ZBTB7B: variants seen among roughly 807,000 people sequenced by gnomAD.
ZBTB7B encodes zinc finger and BTB domain containing 7B.
ZBTB7B carries 8 observed loss-of-function variants against 31.0 expected under a neutral mutation model. The ratio of observed to expected loss-of-function variants is 0.26; its 90% CI spans 0.15 to 0.47. ZBTB7B has a LOEUF of 0.47. Among genes scored for constraint, ZBTB7B ranks in the 20% least tolerant of loss-of-function variants. The pLI is 0.99. For synonymous variants in ZBTB7B, 261 were observed against 307.3 expected (o/e 0.85, Z 1.58); for missense variants, 494 against 742.4 (o/e 0.67, Z 3.89).
At chr1:155,009,595 G>A (rs1030403534) in intron 1 of ZBTB7B, among the ~76,000 whole-genome samples, 16 of 152,042 alleles carry the variant, frequency 1.1e-4, no homozygotes, top group African/African-American at 3.9e-4. Flanking sequence ...GGCACAGGTT[G>A]TCCCCCCACC....
chr1:155,018,316 G>C lies in ZBTB7B; in HGVS notation c.*1631G>C, dbSNP rs1659617438. The C allele has an allele frequency of 5.2e-6, 3 of 573,298 alleles. No homozygotes were observed. Among genetic ancestry groups the C allele is most frequent in the South Asian group, 2.1e-5 (1 of 47,986 alleles). The allele number at this position is 573,298 out of a possible 1,614,324, so 35.5% of individuals were successfully genotyped here. On this transcript the variant is annotated 3_prime_UTR_variant, in exon 3 of 3. Transcript: ENST00000535420. ...TCCTGGGCCTCATCTTAGCATTTCAGGTGATGGGGGGAGCCCAGGGCTGGG... is the reference window on the plus strand; with the variant it reads ...TCCTGGGCCTCATCTTAGCATTTCACGTGATGGGGGGAGCCCAGGGCTGGG...
In ZBTB7B at chr1:155,015,707, T is replaced by C. The variant is rs1432374956; in HGVS notation, c.1047T>C (p.Pro349=). The change falls in exon 2 of 3, where the codon CCT becomes CCC. Residue 349 remains proline (P), a synonymous_variant. Coordinates refer to ENST00000535420, the MANE Select transcript of ZBTB7B (RefSeq NM_001256455.2). ...KRRSQMPQEC[P]VCHKIIHGAG... ...GCTCCCAGATGCCTCAGGAGTGCCC[T>C]GTCTGCCACAAGATCATCCATGGGG... 3.7e-6 allele frequency: 6 copies of C among 1,612,612 alleles called. No individual in the cohort carries two copies. Among genetic ancestry groups the C allele is most frequent in the Non-Finnish European group, 1.7e-6 (2 of 1,180,012 alleles).
intron 1 of ZBTB7B, among the ~76,000 whole-genome samples, chr1:155,011,333 C>T (rs748775427): frequency 1.4e-4 from 21 of 152,242 alleles, no homozygotes; most frequent in Non-Finnish European, 2.4e-4. Flanking sequence ...GGCCAGTGGC[C>T]TCCACCTTTT....
At chr1:155,013,936 T>C (rs888473295) in intron 1 of ZBTB7B, 4 of 720,764 alleles carry the variant, frequency 5.5e-6, no homozygotes, top group African/African-American at 3.8e-5. Flanking sequence ...GATGAACTTT[T>C]GGTAGCCAGG....
Position 155,016,155 on chromosome 1 carries a change from T to C in ZBTB7B, c.1155-65T>C. The C allele has an allele frequency of 6.5e-7, 1 of 1,535,268 alleles. No homozygotes were observed. The highest frequency in any genetic ancestry group is 1.2e-5 in the South Asian group (1 of 83,182). On this transcript the variant is annotated intron_variant, in intron 2 of 2. Transcript: ENST00000535420. The surrounding 1 kb of genome is among the most constrained non-coding windows in gnomAD (Gnocchi z 4.3). The stretch of plus-strand genomic sequence containing the variant: ...GGGATGGGACAAGGCCAGGGTGGGA[T>C]GACCAGGAGGAGCCAGGGATCCCAT...
Position 155,016,668 on chromosome 1 carries a change from G to T in ZBTB7B, c.1603G>T (p.Ala535Ser). ...ACCCACCACACCCCAGGCTGAAGGT[G>T]CCATGGAGTCCTCTTAAAGAGGGAC... Reference protein sequence around the residue: ...GAPTTPQAEGAMESS With the variant: ...GAPTTPQAEGSMESS Residue 535 changes from alanine to serine, a missense_variant, in exon 3 of 3, where the codon GCC becomes TCC. Physicochemically the swap from Ala to Ser is moderately conservative, Grantham distance 99. Coordinates refer to ENST00000535420, the MANE Select transcript of ZBTB7B (RefSeq NM_001256455.2). This position sits in a 1 kb window ranked among gnomAD's most constrained non-coding sequence, Gnocchi z 4.3. 1 of 1,555,926 alleles carries T rather than the reference G, an allele frequency of 6.4e-7. No homozygotes were observed. The highest frequency in any genetic ancestry group is 8.7e-7 in the Non-Finnish European group (1 of 1,149,454).
At chr1:155,002,176 C>A (rs1391768971), upstream of ZBTB7B, among the ~76,000 whole-genome samples, 1 of 152,034 alleles carries the variant, frequency 6.6e-6, no homozygotes, top group Non-Finnish European at 1.5e-5. Context: ...TGGACGAACG[C>A]AAGGCGAGAC....
intron 1 of ZBTB7B, among the ~76,000 whole-genome samples, chr1:155,011,598 C>T (rs994742922): frequency 1.3e-5 from 2 of 152,198 alleles, no homozygotes; most frequent in Admixed American, 1.3e-4. Flanking sequence ...GCCCCCAGTT[C>T]TTCCCCCTAC....
chr1:155,015,263 C>T lies in ZBTB7B; in HGVS notation c.603C>T (p.Ser201=). ...CACCTCGGCCTGTTGCCCGCCGCAG[C>T]CGCAAGCCCCGGAAAGCTTTCCTGC... The part of the protein sequence containing the change: ...PPPPRPVARR[S]RKPRKAFLQT... The change falls in exon 2 of 3, where the codon AGC becomes AGT. Residue 201 remains serine, a synonymous_variant. Transcript: ENST00000535420. 3 of 1,613,776 alleles carry T rather than the reference C, an allele frequency of 1.9e-6. No individual in the cohort carries two copies. The highest frequency in any genetic ancestry group is 1.7e-6 in the Non-Finnish European group (2 of 1,179,958).
At position 155,018,307 on chromosome 1, in the gene ZBTB7B, A is replaced by C; in HGVS notation, c.*1622A>C. 1 of 561,446 alleles carries C rather than the reference A, an allele frequency of 1.8e-6. No homozygotes were observed. The highest frequency in any genetic ancestry group is 1.9e-5 in the African/African-American group (1 of 53,142). 34.8% of individuals were successfully genotyped at this position (561,446 alleles called of 1,614,324 possible). On this transcript the variant is annotated 3_prime_UTR_variant, in exon 3 of 3. Transcript: ENST00000535420. ...ATCGGGTTGTCCTGGGCCTCATCTTAGCATTTCAGGTGATGGGGGGAGCCC... is the reference window on the plus strand; with the variant it reads ...ATCGGGTTGTCCTGGGCCTCATCTTCGCATTTCAGGTGATGGGGGGAGCCC...
upstream of ZBTB7B, among the ~76,000 whole-genome samples, chr1:155,001,875 C>G (rs1274955223): frequency 6.6e-6 from 1 of 151,952 alleles, no homozygotes; most frequent in African/African-American, 2.4e-5. The surrounding 1 kb of genome is among the most constrained non-coding windows in gnomAD (Gnocchi z 4.8). Context: ...GCGTAGGGGC[C>G]GGAGCCGAAG....
Position 155,016,772 on chromosome 1 carries a change from G to T in ZBTB7B, c.*87G>T. 3 of 766,232 alleles carry T rather than the reference G, an allele frequency of 3.9e-6. No individual in the cohort carries two copies. The highest frequency in any genetic ancestry group is 6.3e-6 in the Non-Finnish European group (3 of 476,178). 47.5% of individuals were successfully genotyped at this position (766,232 alleles called of 1,614,324 possible). A position where few individuals can be genotyped will look rare whatever the true frequency, so the allele number is the denominator to read the frequency against. ...AGCACGCAGGACAGACACAGCAGGG[G>T]TCTGGGGCACGGAGCCTTGCTGGCA... On this transcript the variant is annotated 3_prime_UTR_variant, in exon 3 of 3. Transcript: ENST00000535420. This position sits in a 1 kb window ranked among gnomAD's most constrained non-coding sequence, Gnocchi z 4.3.
intron 1 of ZBTB7B, among the ~76,000 whole-genome samples, chr1:155,009,144 T>G (rs1489589445): frequency 6.6e-6 from 1 of 152,018 alleles, no homozygotes. Flanking sequence ...AGCGGGAATG[T>G]GGGGAGGCCT....
rs1393909788 is a variant in ZBTB7B, at chr1:155,004,368, G to C, written c.-7+1425G>C. Among the ~76,000 whole-genome samples, 1 of 152,158 alleles carries C rather than the reference G, an allele frequency of 6.6e-6. No individual in the cohort carries two copies. The highest frequency in any genetic ancestry group is 1.5e-5 in the Non-Finnish European group (1 of 68,026). ...AGGAGGGAGACCGCTTATCAGGGAC[G>C]GGGGAACCAGATTGGGCTGTGAGGG... On this transcript the variant is annotated intron_variant, in intron 1 of 2. Transcript: ENST00000535420. This position sits in a 1 kb window ranked among gnomAD's most constrained non-coding sequence, Gnocchi z 4.0.
rs1485573445 is a variant in ZBTB7B at position 155,017,056 on chromosome 1, C to T, written c.*371C>T. On this transcript the variant is annotated 3_prime_UTR_variant, in exon 3 of 3. Coordinates refer to ENST00000535420, the MANE Select transcript of ZBTB7B (RefSeq NM_001256455.2). Reference sequence around the variant, plus strand: ...GTGGGGGCTTGGGACCAAAGCCTTGCCCCGCCCCTATGCCCCTTGGGGGTT... The same window carrying T: ...GTGGGGGCTTGGGACCAAAGCCTTGTCCCGCCCCTATGCCCCTTGGGGGTT... 3 of 200,264 alleles carry T rather than the reference C, an allele frequency of 1.5e-5. No homozygotes were observed. Among genetic ancestry groups the T allele is most frequent in the Non-Finnish European group, 3.1e-5 (3 of 98,098 alleles). The allele number at this position is 200,264 out of a possible 1,614,324, so 12.4% of individuals were successfully genotyped here.
At position 155,017,356 on chromosome 1, in the gene ZBTB7B, T is replaced by TAGAGGGGCCCCGCCC. The variant is rs1553257692; in HGVS notation, c.*674_*688dup. On this transcript the variant is annotated 3_prime_UTR_variant, in exon 3 of 3. Coordinates refer to ENST00000535420, the MANE Select transcript of ZBTB7B (RefSeq NM_001256455.2). ...TTGGCTCGCCTGCCCCTGGGGGCAG[T>TAGAGGGGCCCCGCCC]AGAGGGGCCCCGCCCAGCTAGGGGA... 9.2e-5 allele frequency: 14 copies of TAGAGGGGCCCCGCCC among 152,172 alleles called. No homozygotes were observed. The highest frequency in any genetic ancestry group is 1.9e-4 in the Non-Finnish European group (13 of 68,216). The allele number at this position is 152,172 out of a possible 1,614,324, so 9.4% of individuals were successfully genotyped here. A position where few individuals can be genotyped will look rare whatever the true frequency, so the allele number is the denominator to read the frequency against.
intron 1 of ZBTB7B, chr1:155,014,060 T>C: frequency 3.0e-6 from 3 of 986,480 alleles, no homozygotes; most frequent in Non-Finnish European, 3.6e-6. Flanking sequence ...AAAGCACCTG[T>C]CTGTGCCTGG....
rs1558092212 is a variant in ZBTB7B, at chr1:155,016,478, C to T, written c.1413C>T (p.Tyr471=). 11 of 1,613,946 alleles carry T rather than the reference C, an allele frequency of 6.8e-6. No individual in the cohort carries two copies. Among genetic ancestry groups the T allele is most frequent in the Non-Finnish European group, 9.3e-6 (11 of 1,179,980 alleles). The change falls in exon 3 of 3, where the codon TAC becomes TAT. Residue 471 remains tyrosine (Y), a synonymous_variant. Coordinates refer to ENST00000535420, the MANE Select transcript of ZBTB7B (RefSeq NM_001256455.2). This position sits in a 1 kb window ranked among gnomAD's most constrained non-coding sequence, Gnocchi z 4.3. ...RRRKDDAPPH[Y]PPPSTAAASP... is the part of the protein sequence containing the mutation. ...GCAAGGACGATGCACCACCCCACTA[C>T]CCACCACCCTCTACCGCTGCTGCAT...
chr1:155,014,408 G>T, intron 1 of ZBTB7B: 1 of 534,098 alleles, frequency 1.9e-6, no homozygotes, highest in Non-Finnish European at 3.3e-6. Context: ...CCCACTCCCT[G>T]AGTTTGAACA....
Sources: gnomAD v4.1 joint callset for allele counts (sites outside exome capture counted in the v4.1 genomes callset) on GRCh38, gnomAD v4.1.1 for gene constraint, Gnocchi (gnomAD v3.1) non-coding constraint, MANE v1.5 for transcripts, NCBI Gene and HGNC (gene_info 2026-07-23, HGNC 2026-07-21) for gene names.